TCF4: variants seen among roughly 807,000 people sequenced by gnomAD.
The protein encoded by TCF4 is transcription factor 4, also known as SL3-3 enhancer factor 2.
TCF4 carries 3 observed loss-of-function variants against 82.1 expected under a neutral mutation model. The observed-to-expected ratio is 0.04, with a 90% CI of 0.02 to 0.09. TCF4 has a LOEUF of 0.09. TCF4 is among the 10% of genes least tolerant of loss of function. The probability of loss-of-function intolerance (pLI) is 1.00; values close to 1 mark genes in which losing one functional copy is unlikely to be tolerated. For synonymous variants in TCF4, 276 were observed against 309.6 expected (o/e 0.89, Z 1.14); for missense variants, 518 against 852.7 (o/e 0.61, Z 4.89).
rs1003444031 is a variant in TCF4, at chr18:55,594,332, C to T, written c.287-7196G>A. 3.6e-4 allele frequency among the ~76,000 whole-genome samples: 55 copies of T among 152,280 alleles called. 1 individual carries two copies. The highest frequency in any genetic ancestry group is 1.3e-3 in the African/African-American group (53 of 41,534). ...GGCCACTGTGCCCAAATGGGATCCTCATGTTGATGCATTTCCTTTTACATT... is the reference window on the plus strand; with the variant it reads ...GGCCACTGTGCCCAAATGGGATCCTTATGTTGATGCATTTCCTTTTACATT... On this transcript the variant is annotated intron_variant, in intron 2 of 20. Coordinates refer to the TCF4 transcript ENST00000398339.
At chr18:55,491,463 T>C (rs2096576015) in intron 3 of TCF4, among the ~76,000 whole-genome samples, 1 of 152,210 alleles carries the variant, frequency 6.6e-6, no homozygotes, top group Admixed American at 6.5e-5. Flanking sequence ...TCCATCTGCA[T>C]ATGCAATTAC....
intron 3 of TCF4, among the ~76,000 whole-genome samples, chr18:55,536,861 G>A (rs1379717108): frequency 6.6e-6 from 1 of 152,158 alleles, no homozygotes; most frequent in Non-Finnish European, 1.5e-5. Context: ...CTGGCCGGGT[G>A]TGGTGGCTCA....
At chr18:55,476,785 T>C (rs1016698433) in intron 3 of TCF4, among the ~76,000 whole-genome samples, 1 of 152,206 alleles carries the variant, frequency 6.6e-6, no homozygotes, top group African/African-American at 2.4e-5. Flanking sequence ...CTTGTCATTT[T>C]ATAAACTGAA....
chr18:55,477,415 T>C (rs1206098969), intron 3 of TCF4, among the ~76,000 whole-genome samples: 1 of 152,264 alleles, frequency 6.6e-6, no homozygotes, highest in Non-Finnish European at 1.5e-5. Flanking sequence ...TACTTGCTAA[T>C]GTTCACAAGG....
In TCF4 at chr18:55,460,816, C is replaced by A. The variant is rs117247506; in HGVS notation, c.304+203G>T. On this transcript the variant is annotated intron_variant, in intron 5 of 19. Transcript: ENST00000354452. ...TCAGTATCACTAAAAGCATTTCATTCCATATGCTTGTAAAACTTAATCCTT... is the reference window on the plus strand; with the variant it reads ...TCAGTATCACTAAAAGCATTTCATTACATATGCTTGTAAAACTTAATCCTT... 8.6e-3 allele frequency among the ~76,000 whole-genome samples: 1,317 copies of A among 152,292 alleles called. 8 individuals carry two copies. The highest frequency in any genetic ancestry group is 0.014 in the Non-Finnish European group (925 of 68,016).
At chr18:55,614,013 A>G (rs2156008) in intron 2 of TCF4, among the ~76,000 whole-genome samples, 14,875 of 152,198 alleles carry the variant, frequency 0.098, 1,012 homozygotes, top group East Asian at 0.41. Context: ...GGGCTCAAGT[A>G]ATCCTCTGGT....
At position 55,421,605 on chromosome 18, in the gene TCF4, T is replaced by C. The variant is rs185496893; in HGVS notation, c.305-18087A>G. On this transcript the variant is annotated intron_variant, in intron 5 of 19. Transcript: ENST00000354452. ...TGAAAATGCTTATAAACGTTATAAT[T>C]TATAAAGAAGTACACTTCTATTTTC... 3.5e-4 allele frequency among the ~76,000 whole-genome samples: 54 copies of C among 152,340 alleles called. No homozygotes were observed. The East Asian group carries it at 5.2e-3, about 15-fold the overall frequency.
chr18:55,547,752 G>A (rs1290765350), intron 3 of TCF4, among the ~76,000 whole-genome samples: 2 of 152,130 alleles, frequency 1.3e-5, no homozygotes, highest in African/African-American at 2.4e-5. Context: ...GACTGACAAC[G>A]CTGTAAAATG....
At chr18:55,305,739 TTC>T (rs1173843903) in intron 8 of TCF4, among the ~76,000 whole-genome samples, 1 of 152,188 alleles carries the variant, frequency 6.6e-6, no homozygotes, top group Non-Finnish European at 1.5e-5. Context: ...GCTCCCCTAA[TTC>T]TCTTTTTTTG....
intron 6 of TCF4, among the ~76,000 whole-genome samples, chr18:55,381,208 T>C (rs1427144856): frequency 1.3e-5 from 2 of 152,226 alleles, no homozygotes; most frequent in Non-Finnish European, 2.9e-5. Context: ...TAAGTGAATA[T>C]GTATTAAATT....
chr18:55,520,630 T>C (rs1394944056), intron 3 of TCF4, among the ~76,000 whole-genome samples: 1 of 152,150 alleles, frequency 6.6e-6, no homozygotes, highest in African/African-American at 2.4e-5. Context: ...ACATATTCTG[T>C]GAATTTATAA....
intron 6 of TCF4, among the ~76,000 whole-genome samples, chr18:55,356,492 T>C (rs2083553873): frequency 6.6e-6 from 1 of 152,168 alleles, no homozygotes; most frequent in Non-Finnish European, 1.5e-5. Flanking sequence ...TAATTTTGCT[T>C]TTGCACGCAT....
At chr18:55,361,727 C>G (rs927688979) in intron 6 of TCF4, among the ~76,000 whole-genome samples, 1 of 152,140 alleles carries the variant, frequency 6.6e-6, no homozygotes, top group Admixed American at 6.5e-5. Flanking sequence ...CTGTTGAGTC[C>G]CAAGCACCAG....
intron 3 of TCF4, among the ~76,000 whole-genome samples, chr18:55,502,417 AAT>A (rs909844412): frequency 1.3e-5 from 2 of 152,206 alleles, no homozygotes; most frequent in African/African-American, 4.8e-5. Context: ...CTACCTTGAA[AAT>A]ATTTGTATTC....
chr18:55,445,513 A>C (rs1247728176), intron 5 of TCF4, among the ~76,000 whole-genome samples: 1 of 152,098 alleles, frequency 6.6e-6, no homozygotes, highest in Non-Finnish European at 1.5e-5. Flanking sequence ...AAACCATCAG[A>C]TCTCGTGAGA....
At chr18:55,321,135 GT>G (rs2075388341) in intron 8 of TCF4, 2 of 156,918 alleles carry the variant, frequency 1.3e-5, no homozygotes, top group Non-Finnish European at 2.8e-5. Flanking sequence ...TGATCTCTCA[GT>G]TTTATGTGTT....
chr18:55,467,760 A>G (rs2096063685), intron 3 of TCF4, among the ~76,000 whole-genome samples: 1 of 152,150 alleles, frequency 6.6e-6, no homozygotes, highest in Non-Finnish European at 1.5e-5. Flanking sequence ...ACGGTCTTTT[A>G]TACCACCATG....
chr18:55,547,519 T>A (rs954505444), intron 3 of TCF4, among the ~76,000 whole-genome samples: 1 of 152,216 alleles, frequency 6.6e-6, no homozygotes, highest in African/African-American at 2.4e-5. Flanking sequence ...CTGGTGTCTA[T>A]TTACACTCAT....
intron 3 of TCF4, among the ~76,000 whole-genome samples, chr18:55,482,563 A>G (rs1233849457): frequency 1.3e-5 from 2 of 152,218 alleles, no homozygotes; most frequent in Admixed American, 1.3e-4. Flanking sequence ...AATAGTGTAC[A>G]GTGTATTGCT....
Sources: gnomAD v4.1 joint callset for allele counts (sites outside exome capture counted in the v4.1 genomes callset) on GRCh38, gnomAD v4.1.1 for gene constraint, MANE v1.5 for transcripts, NCBI Gene and HGNC (gene_info 2026-07-23, HGNC 2026-07-21) for gene names.